CERCAM: variants seen among roughly 807,000 people sequenced by gnomAD.
CERCAM encodes inactive glycosyltransferase 25 family member 3.
Under a neutral mutation model 66.0 loss-of-function variants are expected in CERCAM, and 59 were observed. The observed-to-expected ratio is 0.89, with a 90% CI of 0.73 to 1.11. CERCAM has a LOEUF of 1.11. Ranked by LOEUF, CERCAM falls within the 50% of genes most tolerant of loss-of-function variation. The probability of loss-of-function intolerance (pLI) is 0.00; values close to 1 mark genes in which losing one functional copy is unlikely to be tolerated. For missense variants in CERCAM, 840 were observed against 828.3 expected (o/e 1.01, Z -0.17); for synonymous variants, 318 against 343.6 (o/e 0.93, Z 0.83).
intron 11 of CERCAM, among the ~76,000 whole-genome samples, chr9:128,435,429 C>T (rs150132169): frequency 3.3e-5 from 5 of 152,168 alleles, no homozygotes; most frequent in Admixed American, 2.6e-4. Context: ...CCACTGCGCT[C>T]GGCTGCATGC....
chr9:128,435,970 A>G (rs1834104635), intron 12 of CERCAM, 65 bp downstream of exon 12: 2 of 1,485,828 alleles, frequency 1.3e-6, no homozygotes, highest in South Asian at 1.3e-5. Flanking sequence ...CTTTGATGGC[A>G]TAACTGTGTC....
intron 9 of CERCAM, chr9:128,431,861 G>A (rs1047628994): frequency 1.3e-4 from 20 of 152,924 alleles, no homozygotes; most frequent in Non-Finnish European, 2.6e-4. Flanking sequence ...CGGCCCAGGG[G>A]CTGGGAGTGT....
chr9:128,430,171 A>G (rs1179482733), intron 8 of CERCAM, among the ~76,000 whole-genome samples: 2 of 151,876 alleles, frequency 1.3e-5, no homozygotes, highest in African/African-American at 4.8e-5. Flanking sequence ...GAGGTTATGG[A>G]TGGATCACCT....
chr9:128,422,728 CCT>C, intron 1 of CERCAM, 138 bp from the exon 2 acceptor site: 1 of 939,394 alleles, frequency 1.1e-6, no homozygotes, highest in Non-Finnish European at 1.6e-6. Flanking sequence ...CTGCCTCCAG[CCT>C]CTCTGCTGTA....
chr9:128,428,245 G>T, intron 5 of CERCAM, 57 bp from the exon 6 acceptor site: 1 of 1,591,768 alleles, frequency 6.3e-7, no homozygotes, highest in Non-Finnish European at 8.6e-7. Context: ...GGACCTTTCA[G>T]CTGGGTTCTG....
At position 128,434,573 on chromosome 9, in the gene CERCAM, G is replaced by A. The variant is rs773237748; in HGVS notation, c.1495G>A (p.Val499Met). 3.6e-5 allele frequency: 58 copies of A among 1,610,826 alleles called. No homozygotes were observed. Among genetic ancestry groups the A allele is most frequent in the African/African-American group, 5.3e-5 (4 of 74,930 alleles). Residue 499 changes from valine to methionine, a missense_variant, in exon 11 of 13, where the codon GTG becomes ATG. Transcript: ENST00000372838. This position sits in a 1 kb window ranked among gnomAD's most constrained non-coding sequence, Gnocchi z 4.5. The part of the protein sequence containing the change: ...ASQPLRRMLP[V>M]DEFLPIMFDQ... ...ACAGCCTCTGCGCCGCATGCTGCCC[G>A]TGGACGAGTTCCTGCCCATCATGTT...
rs756008871 is a variant in CERCAM at position 128,424,590 on chromosome 9, T to G, written c.742T>G (p.Phe248Val). 3 of 1,614,156 alleles carry G rather than the reference T, an allele frequency of 1.9e-6. No homozygotes were observed. In the Admixed American group the frequency reaches 5.0e-5, roughly 27 times the overall value. Residue 248 changes from phenylalanine to valine, a missense_variant, in exon 5 of 13, where the codon TTC becomes GTC. Coordinates refer to ENST00000372838, the MANE Select transcript of CERCAM (RefSeq NM_016174.5). ...YTWPFDDIIV[F>V]AYACQAAGVS... ...TTGGCCTTTCGACGACATCATCGTC[T>G]TCGCCTATGCCTGCCAGGCTGCTGG...
At position 128,434,225 on chromosome 9, in the gene CERCAM, CTGA is replaced by C. The variant is rs767657041; in HGVS notation, c.1330_1331+1del. ...GGAGGCAGAGAAACTGTCTTGGGAC[CTGA>C]TGTAGGCAGCCTGCACCCTCAGGGA... On this transcript the variant is annotated inframe_deletion and splice_region_variant, in exon 10 of 13. Transcript: ENST00000372838. This position sits in a 1 kb window ranked among gnomAD's most constrained non-coding sequence, Gnocchi z 4.5. 6.2e-6 allele frequency: 10 copies of C among 1,613,898 alleles called. No homozygotes were observed. In the Admixed American group the frequency reaches 1.5e-4, roughly 24 times the overall value.
chr9:128,429,978 T>TG (rs201553054), intron 8 of CERCAM, among the ~76,000 whole-genome samples: 3,222 of 151,964 alleles, frequency 0.021, 58 homozygotes, highest in East Asian at 0.041. Context: ...TGTTTTGTTT[T>TG]TTTTTCATAG....
chr9:128,424,711 C>A, intron 5 of CERCAM, 97 bp downstream of exon 5: 4 of 1,123,060 alleles, frequency 3.6e-6, no homozygotes, highest in Non-Finnish European at 4.0e-6. Context: ...CTCTGCATTT[C>A]ATCCTGTTAA....
rs1346388391 is a variant in CERCAM at position 128,423,317 on chromosome 9, G to C, written c.426+54G>C. The C allele has an allele frequency of 2.5e-5, 37 of 1,462,452 alleles. No individual in the cohort carries two copies. In the South Asian group the frequency reaches 3.9e-4, roughly 16 times the overall value. The allele number at this position is 1,462,452 out of a possible 1,614,324, so 90.6% of individuals were successfully genotyped here. ...CTGAAAGGCGGTAGTATCCGTCCCT[G>C]ATAGAAATCTGGGTATAGGCTGGGT... On this transcript the variant is annotated intron_variant, in intron 3 of 12. Transcript: ENST00000372838.
rs146651928 is a variant in CERCAM at position 128,424,270 on chromosome 9, C to A, written c.559C>A (p.Gln187Lys). Residue 187 changes from glutamine to lysine, a missense_variant and splice_region_variant, in exon 4 of 13, where the codon CAG becomes AAG. Transcript: ENST00000372838. Reference sequence around the variant, plus strand: ...CAACTTCTGGTGTGGGATCACCCCCCAGGTGAGGCCGGGATGGGGGCCTTG... The same window carrying A: ...CAACTTCTGGTGTGGGATCACCCCCAAGGTGAGGCCGGGATGGGGGCCTTG... ...YSNFWCGITP[Q>K]GYYRRTAEYF... 13 of 1,613,892 alleles carry A rather than the reference C, an allele frequency of 8.1e-6. No individual in the cohort carries two copies. The highest frequency in any genetic ancestry group is 1.7e-5 in the Admixed American group (1 of 59,994).
At chr9:128,420,481 CG>C, upstream of CERCAM, 1 of 153,710 alleles carries the variant, frequency 6.5e-6, no homozygotes, top group Non-Finnish European at 1.4e-5. This position sits in a 1 kb window ranked among gnomAD's most constrained non-coding sequence, Gnocchi z 5.0. Context: ...CTGCGTGGGC[CG>C]GGGAATCCGG....
intron 6 of CERCAM, 104 bp downstream of exon 6, chr9:128,428,525 G>A: frequency 7.0e-7 from 1 of 1,426,180 alleles, no homozygotes; most frequent in Non-Finnish European, 9.6e-7. Context: ...TGGCCTTGGG[G>A]TTCCAGCTTT....
Position 128,424,555 on chromosome 9 carries a change from C to G in CERCAM, c.707C>G (p.Pro236Arg). The G allele has an allele frequency of 1.2e-6, 2 of 1,614,194 alleles. No individual in the cohort carries two copies. Among genetic ancestry groups the G allele is most frequent in the African/African-American group, 1.3e-5 (1 of 75,036 alleles). Residue 236 changes from proline to arginine, a missense_variant, in exon 5 of 13, where the codon CCC becomes CGC. By Grantham distance (103) the Pro-to-Arg change is moderately radical. Coordinates refer to ENST00000372838, the MANE Select transcript of CERCAM (RefSeq NM_016174.5). ...ADQLAFYPPH[P>R]NYTWPFDDII... Reference sequence around the variant, plus strand: ...CAGCTTGCTTTCTACCCGCCACATCCCAACTACACTTGGCCTTTCGACGAC... The same window carrying G: ...CAGCTTGCTTTCTACCCGCCACATCGCAACTACACTTGGCCTTTCGACGAC...
Position 128,428,426 on chromosome 9 carries a change from G to A in CERCAM, c.886+5G>A, listed in dbSNP as rs1290461991. On this transcript the variant is annotated splice_donor_5th_base_variant and intron_variant, in intron 6 of 12. Coordinates refer to ENST00000372838, the MANE Select transcript of CERCAM (RefSeq NM_016174.5). ...ACCTGATCTTAGAAGCACTAGGTGA[G>A]GGCTGGGGAACTGTTCCACCCACCT... The A allele has an allele frequency of 6.2e-7, 1 of 1,613,916 alleles. No homozygotes were observed. Among genetic ancestry groups the A allele is most frequent in the Admixed American group, 1.7e-5 (1 of 59,992 alleles).
Position 128,432,218 on chromosome 9 carries a change from G to A in CERCAM, c.1203+915G>A, listed in dbSNP as rs1431576364. Among the ~76,000 whole-genome samples, 5 of 151,884 alleles carry A rather than the reference G, an allele frequency of 3.3e-5. No homozygotes were observed. The East Asian group carries it at 9.7e-4, about 29-fold the overall frequency. On this transcript the variant is annotated intron_variant, in intron 9 of 12. Transcript: ENST00000372838. ...TTTTTCTATTTTTAGTAGACAGGGG[G>A]TTTCGCCATATTGGTCAGGCTGGTC...
In CERCAM at chr9:128,423,283, A is replaced by C. The variant is rs77214731; in HGVS notation, c.426+20A>C. ...ATCCTGGTGAGGAAGTCTGGCTAGA[A>C]TCGGGCTTCTGAAAGGCGGTAGTAT... On this transcript the variant is annotated intron_variant, in intron 3 of 12. Transcript: ENST00000372838. 2 of 1,598,864 alleles carry C rather than the reference A, an allele frequency of 1.3e-6. No individual in the cohort carries two copies. The highest frequency in any genetic ancestry group is 1.7e-6 in the Non-Finnish European group (2 of 1,167,338).
At chr9:128,421,327 C>T in intron 1 of CERCAM, 1 of 1,211,444 alleles carries the variant, frequency 8.3e-7, no homozygotes, top group African/African-American at 1.6e-5. Context: ...ACTCCTTCCT[C>T]TTGGGGCCTT....
Sources: gnomAD v4.1 joint callset for allele counts (sites outside exome capture counted in the v4.1 genomes callset) on GRCh38, gnomAD v4.1.1 for gene constraint, Gnocchi (gnomAD v3.1) non-coding constraint, MANE v1.5 for transcripts, NCBI Gene and HGNC (gene_info 2026-07-23, HGNC 2026-07-21) for gene names.